Variants in LSM8 observed in about 807,000 individuals in gnomAD.
LSM8 encodes the protein LSM8 homolog, U6 small nuclear RNA associated.
LSM8 carries 14 observed loss-of-function variants against 15.0 expected under a neutral mutation model. That is an observed-to-expected ratio of 0.93 (90% confidence interval 0.62 to 1.46). The LOEUF (loss-of-function observed/expected upper bound fraction) is 1.46. Among genes scored for constraint, LSM8 ranks in the 40% most tolerant of loss-of-function variants. The pLI, the probability that LSM8 is intolerant of heterozygous loss-of-function variation, is 0.00. For missense variants in LSM8, 90 were observed against 115.4 expected, an observed-to-expected ratio of 0.78 and a Z score of 1.01; for synonymous variants, 50 against 42.1, an observed-to-expected ratio of 1.19 and a Z score of -0.73.
At chr7:118,188,459 G>T in intron 3 of LSM8, 54 bp downstream of exon 3, 1 of 1,523,768 alleles carries the variant, frequency 6.6e-7, no homozygotes, top group Non-Finnish European at 9.0e-7. Flanking sequence ...ACTTTATGGA[G>T]AAGAGGCTTT....
In LSM8 at chr7:118,194,953, C is replaced by T. The variant is rs1809055233; in HGVS notation, c.*2951C>T. On this transcript the variant is annotated 3_prime_UTR_variant, in exon 4 of 4. Coordinates refer to ENST00000249299, the MANE Select transcript of LSM8 (RefSeq NM_016200.5). ...GAGGTAGCACTAGTAAGTAACAGTG[C>T]TCAAATTCAACTAGGTCTTTCAGCT... Among the ~76,000 whole-genome samples, 1 of 152,112 alleles carries T rather than the reference C, an allele frequency of 6.6e-6. No homozygotes were observed. Among genetic ancestry groups the T allele is most frequent in the African/African-American group, 2.4e-5 (1 of 41,424 alleles).
chr7:118,185,596 CAG>C, intron 1 of LSM8, 56 bp from the exon 2 acceptor site: 1 of 1,421,202 alleles, frequency 7.0e-7, no homozygotes, highest in Middle Eastern at 1.8e-4. Context: ...ATTCCCTTGC[CAG>C]AGTCTGTTTT....
In LSM8 at chr7:118,203,070, C is replaced by T. The variant is rs951960121; in HGVS notation, c.*11068C>T. Among the ~76,000 whole-genome samples the T allele has an allele frequency of 5.3e-5, 8 of 151,822 alleles. No homozygotes were observed. Among genetic ancestry groups the T allele is most frequent in the Middle Eastern group, 3.2e-3 (1 of 316 alleles). On this transcript the variant is annotated 3_prime_UTR_variant, in exon 4 of 4. Transcript: ENST00000249299. ...TGAACAATACTTTCATCCATCTTGA[C>T]CTAACTGCCATTTATAGAACGTTCT...
chr7:118,188,656 A>G (rs7792264), intron 3 of LSM8: 18,951 of 279,804 alleles, frequency 0.068, 737 homozygotes, highest in East Asian at 0.11. Flanking sequence ...AGATTTGCCC[A>G]TTTTTCTACT....
chr7:118,196,369 T>C lies in LSM8; in HGVS notation c.*4367T>C, dbSNP rs141575505. Among the ~76,000 whole-genome samples, 5 of 151,014 alleles carry C rather than the reference T, an allele frequency of 3.3e-5. No individual in the cohort carries two copies. In the South Asian group the frequency reaches 8.5e-4, roughly 26 times the overall value. ...TCAAAACAACTAGAAACAGTCTTTT[T>C]AAAATAAATATAATTCAAGTCAATT... On this transcript the variant is annotated 3_prime_UTR_variant, in exon 4 of 4. Coordinates refer to ENST00000249299, the MANE Select transcript of LSM8 (RefSeq NM_016200.5).
chr7:118,191,799 C>T, intron 3 of LSM8, 113 bp from the exon 4 acceptor site: 1 of 742,262 alleles, frequency 1.3e-6, no homozygotes. Context: ...TGTGCTCTCT[C>T]AGTTTTATTT....
intron 3 of LSM8, chr7:118,189,196 G>T (rs980810930): frequency 1.3e-5 from 2 of 151,348 alleles, no homozygotes; most frequent in Non-Finnish European, 2.9e-5. Flanking sequence ...GGAGGTAGAG[G>T]TTGCAGTGAG....
chr7:118,195,611 G>C lies in LSM8; in HGVS notation c.*3609G>C, dbSNP rs1809065213. Among the ~76,000 whole-genome samples, 1 of 152,134 alleles carries C rather than the reference G, an allele frequency of 6.6e-6. No individual in the cohort carries two copies. Among genetic ancestry groups the C allele is most frequent in the Non-Finnish European group, 1.5e-5 (1 of 68,026 alleles). ...TGTTTCTATGTCAGCGAATATTCTT[G>C]ACTCAAGGAGTTTGAAAGTGTAAAC... On this transcript the variant is annotated 3_prime_UTR_variant, in exon 4 of 4. Transcript: ENST00000249299.
In LSM8 at chr7:118,191,930, C is replaced by A. The variant is rs150054149; in HGVS notation, c.219C>A (p.Ile73=). 556 of 1,611,946 alleles carry A rather than the reference C, an allele frequency of 3.4e-4. No homozygotes were observed. The highest frequency in any genetic ancestry group is 4.6e-4 in the Non-Finnish European group (543 of 1,178,848). ...RGDNVAVIGE[I]DEETDSALDL... Reference sequence around the variant, plus strand: ...TTTTTAGTGCAGTCATTGGAGAAATCGATGAAGAAACAGATTCTGCGCTTG... The same window carrying A: ...TTTTTAGTGCAGTCATTGGAGAAATAGATGAAGAAACAGATTCTGCGCTTG... Residue 73 remains isoleucine (I), a synonymous_variant, in exon 4 of 4, where the codon ATC becomes ATA. Transcript: ENST00000249299.
At position 118,201,524 on chromosome 7, in the gene LSM8, T is replaced by C. The variant is rs1473271385; in HGVS notation, c.*9522T>C. ...GCATTTTATAATGTACAACCAAGAA[T>C]CTCAATATTTATTATTTTGCATTAA... is the stretch of plus-strand genomic sequence containing the variant. On this transcript the variant is annotated 3_prime_UTR_variant, in exon 4 of 4. Coordinates refer to ENST00000249299, the MANE Select transcript of LSM8 (RefSeq NM_016200.5). Among the ~76,000 whole-genome samples, 1 of 152,114 alleles carries C rather than the reference T, an allele frequency of 6.6e-6. No individual in the cohort carries two copies. Among genetic ancestry groups the C allele is most frequent in the Non-Finnish European group, 1.5e-5 (1 of 67,986 alleles).
chr7:118,187,084 A>G (rs1461332503), intron 2 of LSM8, among the ~76,000 whole-genome samples: 2 of 152,246 alleles, frequency 1.3e-5, no homozygotes, highest in African/African-American at 4.8e-5. Flanking sequence ...AATGAAGTCA[A>G]GAAGTTATGA....
At position 118,201,983 on chromosome 7, in the gene LSM8, C is replaced by T. The variant is rs936630463; in HGVS notation, c.*9981C>T. Among the ~76,000 whole-genome samples, 6 of 152,080 alleles carry T rather than the reference C, an allele frequency of 3.9e-5. No homozygotes were observed. Among genetic ancestry groups the T allele is most frequent in the African/African-American group, 1.4e-4 (6 of 41,434 alleles). ...ATAAATCAAGTCTCTAGATCCTGATCACTTCTATGTGAATTTGTAATATTC... is the reference window on the plus strand; with the variant it reads ...ATAAATCAAGTCTCTAGATCCTGATTACTTCTATGTGAATTTGTAATATTC... On this transcript the variant is annotated 3_prime_UTR_variant, in exon 4 of 4. Coordinates refer to ENST00000249299, the MANE Select transcript of LSM8 (RefSeq NM_016200.5).
At chr7:118,187,410 C>G (rs767663490) in intron 2 of LSM8, among the ~76,000 whole-genome samples, 3 of 152,170 alleles carry the variant, frequency 2.0e-5, no homozygotes, top group South Asian at 4.1e-4. Flanking sequence ...CCTTCAAGTT[C>G]TGGTTTTAAT....
At position 118,195,602 on chromosome 7, in the gene LSM8, A is replaced by T. The variant is rs1054032; in HGVS notation, c.*3600A>T. Among the ~76,000 whole-genome samples the T allele has an allele frequency of 0.73, 110,670 of 152,094 alleles. 40,591 individuals are homozygous for T. The highest frequency in any genetic ancestry group is 0.85 in the South Asian group (4,082 of 4,822). On this transcript the variant is annotated 3_prime_UTR_variant, in exon 4 of 4. Transcript: ENST00000249299. ...AATAAAATTTGTTTCTATGTCAGCG[A>T]ATATTCTTGACTCAAGGAGTTTGAA...
chr7:118,191,743 C>T (rs1584707389), intron 3 of LSM8, 169 bp from the exon 4 acceptor site: 1 of 557,322 alleles, frequency 1.8e-6, no homozygotes, highest in South Asian at 2.3e-5. Flanking sequence ...ATGCAGTTCA[C>T]TGACTCACGC....
Position 118,196,833 on chromosome 7 carries a change from G to C in LSM8, c.*4831G>C, listed in dbSNP as rs756536263. Among the ~76,000 whole-genome samples the C allele has an allele frequency of 6.6e-6, 1 of 151,474 alleles. No homozygotes were observed. Among genetic ancestry groups the C allele is most frequent in the African/African-American group, 2.4e-5 (1 of 41,176 alleles). On this transcript the variant is annotated 3_prime_UTR_variant, in exon 4 of 4. Coordinates refer to ENST00000249299, the MANE Select transcript of LSM8 (RefSeq NM_016200.5). ...CAACCTCCGCATCCTGGGTTCAAGC[G>C]ATTCCCCTGCCTTAGCCTCCCGAGT...
rs1303604031 is a variant in LSM8, at chr7:118,195,615, CAAG to C, written c.*3614_*3616del. Among the ~76,000 whole-genome samples, 5 of 152,138 alleles carry C rather than the reference CAAG, an allele frequency of 3.3e-5. No individual in the cohort carries two copies. The highest frequency in any genetic ancestry group is 7.2e-5 in the African/African-American group (3 of 41,430). On this transcript the variant is annotated 3_prime_UTR_variant, in exon 4 of 4. Transcript: ENST00000249299. ...TCTATGTCAGCGAATATTCTTGACT[CAAG>C]GAGTTTGAAAGTGTAAACTCAAAGG...
In LSM8 at chr7:118,194,442, T is replaced by A. The variant is rs1487948078; in HGVS notation, c.*2440T>A. On this transcript the variant is annotated 3_prime_UTR_variant, in exon 4 of 4. Transcript: ENST00000249299. ...TTGCTTTTATGTCAAAGCACTTTGG[T>A]AACTTGGCCTCACATGCTGACAGTT... Among the ~76,000 whole-genome samples, 1 of 151,914 alleles carries A rather than the reference T, an allele frequency of 6.6e-6. No homozygotes were observed. The highest frequency in any genetic ancestry group is 1.5e-5 in the Non-Finnish European group (1 of 67,950).
intron 2 of LSM8, among the ~76,000 whole-genome samples, chr7:118,186,279 G>A (rs1808889572): frequency 6.6e-6 from 1 of 152,056 alleles, no homozygotes; most frequent in South Asian, 2.1e-4. Flanking sequence ...ACTTGTATTT[G>A]GAATTTGATC....
Sources: allele counts gnomAD v4.1 joint callset (sites outside exome capture counted in the v4.1 genomes callset), GRCh38; gene constraint gnomAD v4.1.1; transcripts MANE v1.5; gene names NCBI Gene and HGNC (gene_info 2026-07-23, HGNC 2026-07-21).